DMD: variants seen among roughly 807,000 people sequenced by gnomAD.
The protein encoded by DMD is dystrophin.
Under a neutral mutation model 330.1 loss-of-function variants are expected in DMD, and 63 were observed. The observed-to-expected ratio is 0.19, with a 90% confidence interval of 0.16 to 0.24. DMD has a LOEUF of 0.24. Ranked by LOEUF, DMD falls within the 10% of genes least tolerant of loss-of-function variation. DMD has a pLI of 1.00. For synonymous variants in DMD, 1,223 were observed against 959.8 expected, an observed-to-expected ratio of 1.27 and a Z score of -5.07; for missense variants, 3,344 against 2,684.1, an observed-to-expected ratio of 1.25 and a Z score of -5.43.
At chrX:32,997,557 G>C (rs947546429) in intron 2 of DMD, among the ~76,000 whole-genome samples, 4 of 111,873 alleles carry the variant, frequency 3.6e-5, no homozygotes, top group Non-Finnish European at 7.5e-5. Context: ...CTCACCTTTT[G>C]AAGTCTCCAA....
intron 12 of DMD, among the ~76,000 whole-genome samples, chrX:32,598,456 C>T (rs1242940027): frequency 9.0e-6 from 1 of 111,540 alleles, no homozygotes; most frequent in Non-Finnish European, 1.9e-5. Flanking sequence ...ATTTGGTGGC[C>T]AGTGTATCAT....
intron 44 of DMD, among the ~76,000 whole-genome samples, chrX:32,100,205 T>G (rs78739449): frequency 0.048 from 5,283 of 110,289 alleles, 250 homozygotes; most frequent in East Asian, 0.32. Context: ...CTATTAAAGA[T>G]AAGTTTTGAA....
At chrX:32,898,679 C>T (rs1481158574) in intron 2 of DMD, among the ~76,000 whole-genome samples, 1 of 111,754 alleles carries the variant, frequency 8.9e-6, no homozygotes, top group Non-Finnish European at 1.9e-5. Flanking sequence ...CCTTTGTAAA[C>T]TGTCATGGTG....
At chrX:32,138,757 C>T (rs1415560322) in intron 44 of DMD, among the ~76,000 whole-genome samples, 1 of 112,052 alleles carries the variant, frequency 8.9e-6, no homozygotes, top group East Asian at 2.8e-4. Flanking sequence ...CAAGCTACAG[C>T]TCCTGTCATG....
At chrX:33,267,523 A>C (rs2053065172) in intron 1 of DMD, among the ~76,000 whole-genome samples, 2 of 110,403 alleles carry the variant, frequency 1.8e-5, no homozygotes, top group Non-Finnish European at 3.8e-5. Flanking sequence ...ATGCAACCAA[A>C]AAAAAAAATA....
At chrX:31,202,890 T>C (rs1476243049) in intron 67 of DMD, among the ~76,000 whole-genome samples, 1 of 112,613 alleles carries the variant, frequency 8.9e-6, no homozygotes, top group East Asian at 2.8e-4. Flanking sequence ...TTATATTATT[T>C]TGTCTGGCAA....
intron 45 of DMD, among the ~76,000 whole-genome samples, chrX:31,963,787 CT>C (rs369054870): frequency 0.093 from 7,430 of 80,199 alleles, 302 homozygotes; most frequent in Non-Finnish European, 0.13. Flanking sequence ...GAGGAAAAAC[CT>C]TTTTTTTTTT....
chrX:31,426,150 A>G (rs2063703786), intron 60 of DMD, among the ~76,000 whole-genome samples: 1 of 100,533 alleles, frequency 9.9e-6, no homozygotes, highest in Non-Finnish European at 1.9e-5. Context: ...TAATGTGTCT[A>G]TTATTAACGA....
upstream of DMD, among the ~76,000 whole-genome samples, chrX:33,214,772 A>T (rs1402525372): frequency 9.0e-6 from 1 of 111,511 alleles, no homozygotes; most frequent in Non-Finnish European, 1.9e-5. Flanking sequence ...TCCTGCCTCA[A>T]TCTTCTGAGT....
chrX:31,351,157 T>TACACACACACACAC (rs776501693), intron 60 of DMD, among the ~76,000 whole-genome samples: 7 of 79,885 alleles, frequency 8.8e-5, no homozygotes, highest in African/African-American at 3.6e-4. Context: ...GACATACATA[T>TACACACACACACAC]ATACACACAC....
At chrX:32,305,983 G>A (rs1020636866) in intron 42 of DMD, among the ~76,000 whole-genome samples, 2 of 109,327 alleles carry the variant, frequency 1.8e-5, no homozygotes, top group Non-Finnish European at 3.8e-5. Flanking sequence ...TGGCAATTCC[G>A]CCACTTTCAA....
chrX:31,448,011 C>CA (rs1198070119), intron 59 of DMD, among the ~76,000 whole-genome samples: 5,107 of 34,092 alleles, frequency 0.15, 171 homozygotes, highest in East Asian at 0.22. Flanking sequence ...ACTCTGTCTC[C>CA]AAAAAAAAAA....
chrX:32,884,271 A>G (rs192524981), intron 2 of DMD, among the ~76,000 whole-genome samples: 2 of 111,831 alleles, frequency 1.8e-5, no homozygotes, highest in African/African-American at 3.2e-5. Context: ...TGATAATTCT[A>G]GACATATTCA....
chrX:32,227,004 C>G (rs1229957457), intron 43 of DMD, among the ~76,000 whole-genome samples: 1 of 107,720 alleles, frequency 9.3e-6, no homozygotes, highest in African/African-American at 3.4e-5. Context: ...ATACACTTTG[C>G]ACAAATTTAC....
intron 41 of DMD, among the ~76,000 whole-genome samples, chrX:32,336,651 A>T (rs1053104144): frequency 2.7e-5 from 3 of 111,878 alleles, no homozygotes; most frequent in Non-Finnish European, 5.6e-5. Flanking sequence ...GGGAATATAA[A>T]ACATTTATAA....
intron 54 of DMD, among the ~76,000 whole-genome samples, chrX:31,652,212 G>T (rs968021853): frequency 9.0e-6 from 1 of 111,485 alleles, no homozygotes; most frequent in African/African-American, 3.3e-5. Flanking sequence ...TTGCTTAAAT[G>T]CCACCTTTTC....
At position 32,612,188 on chromosome X, in the gene DMD, T is replaced by C. The variant is rs138995654; in HGVS notation, c.1482+2115A>G. Reference sequence around the variant, plus strand: ...AATCTCTGAAAGACTGTGGAGAATATACCTTAGAAATGTCCCACTATGGGA... The same window carrying C: ...AATCTCTGAAAGACTGTGGAGAATACACCTTAGAAATGTCCCACTATGGGA... On this transcript the variant is annotated intron_variant, in intron 12 of 78. Transcript: ENST00000357033. 7.3e-4 allele frequency among the ~76,000 whole-genome samples: 81 copies of C among 111,521 alleles called. No homozygotes were observed. The East Asian group carries it at 0.015, about 21-fold the overall frequency.
At chrX:32,211,295 T>C (rs2097092771) in intron 44 of DMD, among the ~76,000 whole-genome samples, 1 of 112,231 alleles carries the variant, frequency 8.9e-6, no homozygotes, top group Admixed American at 9.4e-5. Context: ...CTATAAGTTT[T>C]TCAACATTTG....
chrX:31,594,457 GC>G (rs1394632672), intron 55 of DMD, among the ~76,000 whole-genome samples: 1 of 111,345 alleles, frequency 9.0e-6, no homozygotes, highest in Admixed American at 9.6e-5. Context: ...AATTTGTGAT[GC>G]TTTCTGAATC....
Sources: allele counts gnomAD v4.1 joint callset (sites outside exome capture counted in the v4.1 genomes callset), GRCh38; gene constraint gnomAD v4.1.1; transcripts MANE v1.5; gene names NCBI Gene and HGNC (gene_info 2026-07-23, HGNC 2026-07-21).